CMTM8: variants seen among roughly 807,000 people sequenced by gnomAD.
The protein encoded by CMTM8 is CKLF like MARVEL transmembrane domain containing 8, also known as CKLF-like MARVEL transmembrane domain-containing protein 8.
In CMTM8, 12 loss-of-function variants were observed where a neutral mutation model predicts 18.6. That is an observed-to-expected ratio of 0.65 (90% CI 0.41 to 1.05). The LOEUF is 1.05. Among genes scored for constraint, CMTM8 ranks in the 50% least tolerant of loss-of-function variants. CMTM8 has a pLI of 0.00. For synonymous variants in CMTM8, 87 were observed against 90.6 expected, an observed-to-expected ratio of 0.96 and a Z score of 0.23; for missense variants, 217 against 227.2, an observed-to-expected ratio of 0.95 and a Z score of 0.29.
chr3:32,322,822 T>C (rs1696082885), intron 1 of CMTM8, among the ~76,000 whole-genome samples: 1 of 152,220 alleles, frequency 6.6e-6, no homozygotes, highest in Non-Finnish European at 1.5e-5. Flanking sequence ...GCCTTTTTCT[T>C]TCATGTGGCT....
At position 32,321,178 on chromosome 3, in the gene CMTM8, C is replaced by CA. The variant is rs1553605598; in HGVS notation, c.148-36195_148-36194insA. Among the ~76,000 whole-genome samples the CA allele has an allele frequency of 5.2e-3, 796 of 151,942 alleles. 8 individuals are homozygous for CA. The highest frequency in any genetic ancestry group is 0.017 in the Middle Eastern group (5 of 294). On this transcript the variant is annotated intron_variant, in intron 1 of 3. Coordinates refer to ENST00000307526, the MANE Select transcript of CMTM8 (RefSeq NM_178868.5). ...GGTGTGCTTTCCTGGGGTGAAGCGG[C>CA]GGGGGGGCCAGCATTGTTTCCCAGA...
At chr3:32,313,560 C>T (rs1300015748) in intron 1 of CMTM8, among the ~76,000 whole-genome samples, 1 of 152,156 alleles carries the variant, frequency 6.6e-6, no homozygotes, top group African/African-American at 2.4e-5. Flanking sequence ...CCACCTTGGC[C>T]TCCCAAAGTG....
chr3:32,333,760 A>T (rs1696327939), intron 1 of CMTM8, among the ~76,000 whole-genome samples: 1 of 152,070 alleles, frequency 6.6e-6, no homozygotes, highest in Non-Finnish European at 1.5e-5. Flanking sequence ...GGTGGTGAAA[A>T]TACTGTGTGC....
intron 1 of CMTM8, among the ~76,000 whole-genome samples, chr3:32,320,391 G>A (rs1439571077): frequency 4.6e-5 from 7 of 152,262 alleles, no homozygotes; most frequent in East Asian, 1.9e-4. Context: ...GCCACATCTC[G>A]CATGATTCCA....
chr3:32,302,239 C>T (rs1160019024), intron 1 of CMTM8, among the ~76,000 whole-genome samples: 6 of 152,028 alleles, frequency 3.9e-5, no homozygotes, highest in East Asian at 1.9e-4. Context: ...TTGGAGATGC[C>T]GTGAGCTATG....
chr3:32,248,928 T>C (rs1329027804), intron 1 of CMTM8, among the ~76,000 whole-genome samples: 2 of 151,108 alleles, frequency 1.3e-5, no homozygotes, highest in Non-Finnish European at 3.0e-5. Flanking sequence ...ATTACAGTCA[T>C]GGCCCACTCT....
chr3:32,280,236 T>C (rs141766358), intron 1 of CMTM8, among the ~76,000 whole-genome samples: 1 of 152,102 alleles, frequency 6.6e-6, no homozygotes, highest in African/African-American at 2.4e-5. Context: ...TGATTCACGC[T>C]GATTTCCTAG....
intron 1 of CMTM8, among the ~76,000 whole-genome samples, chr3:32,337,173 C>T (rs1403846466): frequency 6.6e-6 from 1 of 152,186 alleles, no homozygotes. Context: ...CCAAAGATCC[C>T]ACCTCTCAAC....
intron 1 of CMTM8, among the ~76,000 whole-genome samples, chr3:32,285,340 C>T (rs964446427): frequency 6.6e-6 from 1 of 151,892 alleles, no homozygotes; most frequent in African/African-American, 2.4e-5. Context: ...CATGGTGAAA[C>T]CCCATCTCTA....
At chr3:32,366,748 G>C (rs1697046427) in intron 2 of CMTM8, among the ~76,000 whole-genome samples, 1 of 145,228 alleles carries the variant, frequency 6.9e-6, no homozygotes, top group African/African-American at 2.5e-5. Flanking sequence ...TTAATGCACA[G>C]ATGTGTTTCT....
intron 1 of CMTM8, among the ~76,000 whole-genome samples, chr3:32,324,366 G>A (rs762701568): frequency 3.9e-5 from 6 of 152,168 alleles, no homozygotes; most frequent in Non-Finnish European, 7.3e-5. Flanking sequence ...GAGAAAAAGG[G>A]TTCCCTGGGC....
intron 1 of CMTM8, among the ~76,000 whole-genome samples, chr3:32,302,807 C>T (rs1695645974): frequency 6.6e-6 from 1 of 152,176 alleles, no homozygotes; most frequent in Non-Finnish European, 1.5e-5. Flanking sequence ...TACCTGTGCG[C>T]ATACACACCA....
intron 1 of CMTM8, among the ~76,000 whole-genome samples, chr3:32,335,957 G>A (rs1696377561): frequency 6.6e-6 from 1 of 152,178 alleles, no homozygotes; most frequent in South Asian, 2.1e-4. Flanking sequence ...GGGAATGACA[G>A]ACTCCAGAAA....
At chr3:32,319,057 C>CATACATATATATATATATATATATATAT (rs1206855049) in intron 1 of CMTM8, among the ~76,000 whole-genome samples, 1 of 45,886 alleles carries the variant, frequency 2.2e-5, no homozygotes, top group African/African-American at 9.8e-5. Flanking sequence ...TGTGTATATA[C>CATACATATATATATATATATATATATAT]ATATATATAT....
chr3:32,268,404 T>G (rs886755931), intron 1 of CMTM8, among the ~76,000 whole-genome samples: 3 of 151,880 alleles, frequency 2.0e-5, no homozygotes, highest in African/African-American at 7.3e-5. Flanking sequence ...TGAGAACACT[T>G]GGACACAGGA....
chr3:32,311,266 TCAAATTTCAGTGTCTA>T (rs776831021), intron 1 of CMTM8, among the ~76,000 whole-genome samples: 5 of 152,242 alleles, frequency 3.3e-5, no homozygotes, highest in Non-Finnish European at 5.9e-5. Flanking sequence ...TATATGCAAT[TCAAATTTCAGTGTCTA>T]CAAATAGTTT....
chr3:32,252,979 A>T (rs937348154), intron 1 of CMTM8, among the ~76,000 whole-genome samples: 2 of 152,202 alleles, frequency 1.3e-5, no homozygotes, highest in African/African-American at 4.8e-5. Flanking sequence ...TTTGAGCAGT[A>T]TGAATGGGAA....
intron 1 of CMTM8, among the ~76,000 whole-genome samples, chr3:32,337,957 A>G (rs1255659515): frequency 6.6e-6 from 1 of 151,726 alleles, no homozygotes; most frequent in African/African-American, 2.4e-5. Flanking sequence ...CACAAAGCCA[A>G]AAATATTTAC....
chr3:32,356,806 G>A (rs1422874251), intron 1 of CMTM8, among the ~76,000 whole-genome samples: 1 of 150,880 alleles, frequency 6.6e-6, no homozygotes, highest in African/African-American at 2.5e-5. Context: ...CTCACCAAGT[G>A]GTGTTTTAAA....
Sources: gnomAD v4.1 joint callset for allele counts (sites outside exome capture counted in the v4.1 genomes callset) on GRCh38, gnomAD v4.1.1 for gene constraint, MANE v1.5 for transcripts, NCBI Gene and HGNC (gene_info 2026-07-23, HGNC 2026-07-21) for gene names.